Variants in GPR180 observed in about 807,000 individuals in gnomAD.
GPR180 encodes G protein-coupled receptor 180.
Under a neutral mutation model 52.6 loss-of-function variants are expected in GPR180, and 53 were observed. The ratio of observed to expected loss-of-function variants is 1.01; its 90% CI spans 0.81 to 1.27. The LOEUF (loss-of-function observed/expected upper bound fraction) is 1.27, where lower values mean the gene tolerates loss of function less well. GPR180 is among the 50% of genes most tolerant of loss of function. The pLI, the probability that GPR180 is intolerant of heterozygous loss-of-function variation, is 0.00. For synonymous variants in GPR180, 200 were observed against 193.1 expected, an observed-to-expected ratio of 1.04 and a Z score of -0.30; for missense variants, 533 against 527.0, an observed-to-expected ratio of 1.01 and a Z score of -0.11.
chr13:94,617,452 T>C (rs1170517997), intron 3 of GPR180, among the ~76,000 whole-genome samples: 1 of 152,188 alleles, frequency 6.6e-6, no homozygotes, highest in East Asian at 1.9e-4. Context: ...GCTGGAATGC[T>C]TTTCTATGTA....
At chr13:94,614,987 A>C (rs1889759058) in intron 3 of GPR180, among the ~76,000 whole-genome samples, 1 of 152,190 alleles carries the variant, frequency 6.6e-6, no homozygotes, top group Non-Finnish European at 1.5e-5. Flanking sequence ...TTTGTGAATA[A>C]CTCTACATTG....
In GPR180 at chr13:94,633,118, G is replaced by A. The variant is rs1386557996; in HGVS notation, c.*5947G>A. 6.6e-6 allele frequency: 1 copy of A among 152,180 alleles called. No homozygotes were observed. Among genetic ancestry groups the A allele is most frequent in the Non-Finnish European group, 1.5e-5 (1 of 68,054 alleles). The allele number at this position is 152,180 out of a possible 1,614,324, so 9.4% of individuals were successfully genotyped here. ...CATAGCACTTTGCTGAGTTCTGTGA[G>A]TTGTTCTATTTAATTATAGAACCTG... On this transcript the variant is annotated 3_prime_UTR_variant, in exon 9 of 9. Coordinates refer to ENST00000376958, the MANE Select transcript of GPR180 (RefSeq NM_180989.6).
chr13:94,625,759 A>T (rs917609927), intron 7 of GPR180, among the ~76,000 whole-genome samples: 1 of 152,212 alleles, frequency 6.6e-6, no homozygotes, highest in Non-Finnish European at 1.5e-5. Flanking sequence ...TAAGATTATA[A>T]ATACTCCAAA....
At chr13:94,620,943 ATTTCG>A (rs1159454799) in intron 5 of GPR180, 130 bp from the exon 6 acceptor site, 8 of 712,900 alleles carry the variant, frequency 1.1e-5, no homozygotes, top group Admixed American at 3.4e-5. Flanking sequence ...CTCTTAATGA[ATTTCG>A]TTAGCTTCTC....
intron 2 of GPR180, among the ~76,000 whole-genome samples, chr13:94,609,746 A>G (rs536253057): frequency 2.6e-5 from 4 of 151,670 alleles, no homozygotes; most frequent in East Asian, 1.9e-4. Flanking sequence ...CAGAAACTGT[A>G]TGTGTGTTTT....
In GPR180 at chr13:94,629,047, T is replaced by C. The variant is rs2063223481; in HGVS notation, c.*1876T>C. ...AAACTTTAATTCTTAAATTTATGGT[T>C]GGAAATGCTGATAATTTATTTTGTT... On this transcript the variant is annotated 3_prime_UTR_variant, in exon 9 of 9. Coordinates refer to ENST00000376958, the MANE Select transcript of GPR180 (RefSeq NM_180989.6). The C allele has an allele frequency of 6.6e-6, 1 of 152,152 alleles. No homozygotes were observed. The highest frequency in any genetic ancestry group is 1.9e-4 in the East Asian group (1 of 5,198). The allele number at this position is 152,152 out of a possible 1,614,324, so 9.4% of individuals were successfully genotyped here. A position where few individuals can be genotyped will look rare whatever the true frequency, so the allele number is the denominator to read the frequency against.
intron 2 of GPR180, among the ~76,000 whole-genome samples, chr13:94,605,988 G>A (rs35253817): frequency 0.31 from 46,671 of 152,072 alleles, 7,755 homozygotes; most frequent in Non-Finnish European, 0.38. Context: ...TAGTTATATG[G>A]TATAAAATAT....
At chr13:94,623,501 C>G (rs1297984068) in intron 7 of GPR180, among the ~76,000 whole-genome samples, 3 of 152,012 alleles carry the variant, frequency 2.0e-5, no homozygotes, top group Admixed American at 6.5e-5. Flanking sequence ...GCCTGGGCAA[C>G]ATAGACCCCA....
intron 5 of GPR180, 54 bp from the exon 6 acceptor site, chr13:94,621,024 T>C: frequency 6.6e-7 from 1 of 1,508,662 alleles, no homozygotes; most frequent in Non-Finnish European, 8.9e-7. Flanking sequence ...CAAAAAGCAC[T>C]AAATTTTTTA....
intron 2 of GPR180, among the ~76,000 whole-genome samples, chr13:94,610,152 T>C (rs1356069637): frequency 6.6e-6 from 1 of 152,206 alleles, no homozygotes; most frequent in East Asian, 1.9e-4. Context: ...TGCCCCACCA[T>C]ACCTAAGCAT....
Position 94,621,089 on chromosome 13 carries a change from G to T in GPR180, c.748G>T (p.Ala250Ser). Residue 250 changes from alanine (A) to serine (S), a missense_variant, in exon 6 of 9, where the codon GCT (alanine) becomes TCT (serine). Ala to Ser is a moderately conservative substitution (Grantham distance 99). Transcript: ENST00000376958. ...MGSLAEFFDI[A>S]SQIQMLYLLL... ...TCATGTCCCATTAGTTTTTGACATC[G>T]CTTCCCAAATTCAGATGTTATACTT... The T allele has an allele frequency of 6.2e-7, 1 of 1,602,224 alleles. No individual in the cohort carries two copies. Among genetic ancestry groups the T allele is most frequent in the East Asian group, 2.3e-5 (1 of 44,048 alleles).
chr13:94,604,484 G>C (rs1222643128), intron 1 of GPR180, among the ~76,000 whole-genome samples: 2 of 152,150 alleles, frequency 1.3e-5, no homozygotes, highest in Non-Finnish European at 2.9e-5. Context: ...AGGAAGCTGA[G>C]GCAGGAGAAT....
intron 7 of GPR180, among the ~76,000 whole-genome samples, chr13:94,624,273 C>CA (rs56403838): frequency 0.35 from 52,921 of 152,054 alleles, 10,777 homozygotes; most frequent in African/African-American, 0.55. Flanking sequence ...TGCGAACCAG[C>CA]ATTCTGATCA....
chr13:94,604,991 T>A (rs995429763), intron 1 of GPR180, among the ~76,000 whole-genome samples: 1 of 152,190 alleles, frequency 6.6e-6, no homozygotes, highest in Non-Finnish European at 1.5e-5. Flanking sequence ...TTTTTTATAT[T>A]AAGAGTATAA....
intron 3 of GPR180, among the ~76,000 whole-genome samples, chr13:94,612,683 CTTGT>C (rs1244092838): frequency 2.0e-5 from 3 of 152,024 alleles, no homozygotes; most frequent in African/African-American, 7.2e-5. Context: ...TGTTTGTTTG[CTTGT>C]TTGTTTTGGC....
intron 2 of GPR180, 26 bp downstream of exon 2, chr13:94,605,575 C>A (rs747455725): frequency 1.3e-6 from 2 of 1,586,512 alleles, no homozygotes; most frequent in African/African-American, 2.7e-5. Context: ...TTTCTTTGAT[C>A]ATTAGATATA....
intron 6 of GPR180, among the ~76,000 whole-genome samples, chr13:94,621,511 A>G (rs1345544421): frequency 6.6e-6 from 1 of 152,200 alleles, no homozygotes; most frequent in African/African-American, 2.4e-5. Flanking sequence ...ATTTAAGCAC[A>G]GTATGTTTAA....
At chr13:94,607,755 A>C (rs189957248) in intron 2 of GPR180, among the ~76,000 whole-genome samples, 6 of 152,316 alleles carry the variant, frequency 3.9e-5, no homozygotes, top group Admixed American at 3.9e-4. Context: ...AGGTGACCAG[A>C]ATGAATCAGA....
chr13:94,617,363 T>C (rs1444554016), intron 3 of GPR180, among the ~76,000 whole-genome samples: 1 of 152,220 alleles, frequency 6.6e-6, no homozygotes, highest in Non-Finnish European at 1.5e-5. Context: ...ACAGTTGTTA[T>C]AATATATTTA....
Sources: allele counts gnomAD v4.1 joint callset (sites outside exome capture counted in the v4.1 genomes callset), GRCh38; gene constraint gnomAD v4.1.1; transcripts MANE v1.5; gene names NCBI Gene and HGNC (gene_info 2026-07-23, HGNC 2026-07-21).